Variants in DHX35 observed in about 807,000 individuals in gnomAD.
DHX35 encodes probable ATP-dependent RNA helicase DHX35.
A neutral mutation model predicts 99.6 loss-of-function variants in DHX35; 84 were observed. That is an observed-to-expected ratio of 0.84 (90% confidence interval 0.71 to 1.01). DHX35 has a LOEUF of 1.01. Ranked by LOEUF, DHX35 falls within the 50% of genes least tolerant of loss-of-function variation. The pLI is 0.00. For missense variants in DHX35, 852 were observed against 888.5 expected (o/e 0.96, Z 0.52); for synonymous variants, 331 against 316.2 (o/e 1.05, Z -0.50).
At chr20:39,030,381 C>T in intron 19 of DHX35, 3 of 299,200 alleles carry the variant, frequency 1.0e-5, no homozygotes, top group South Asian at 4.7e-5. Flanking sequence ...GTATTATTTC[C>T]ATTCCAAAGG....
intron 10 of DHX35, 59 bp from the exon 11 acceptor site, chr20:39,003,690 T>C: frequency 6.4e-7 from 1 of 1,562,438 alleles, no homozygotes; most frequent in Non-Finnish European, 8.7e-7. Flanking sequence ...TTCAGTATGA[T>C]AAAATAGCAT....
At chr20:38,993,481 T>TAA (rs1377803747) in intron 7 of DHX35, among the ~76,000 whole-genome samples, 2 of 152,110 alleles carry the variant, frequency 1.3e-5, no homozygotes, top group African/African-American at 2.4e-5. Flanking sequence ...TGCCTCAGCC[T>TAA]TCCCGAGTAG....
At chr20:39,029,962 TA>T (rs950037083) in intron 19 of DHX35, 2 of 151,984 alleles carry the variant, frequency 1.3e-5, no homozygotes, top group African/African-American at 4.8e-5. Context: ...TCAGAGAAAT[TA>T]ATAGTCCAGT....
At chr20:38,962,541 G>C (rs974561) in intron 1 of DHX35, 134 bp downstream of exon 1, 206,952 of 1,137,870 alleles carry the variant, frequency 0.18, 19,606 homozygotes, top group Middle Eastern at 0.27. Context: ...GCCTCTGTGC[G>C]GGGGGAGCTC....
At chr20:38,978,498 C>A (rs531387759) in intron 3 of DHX35, 17 of 475,648 alleles carry the variant, frequency 3.6e-5, no homozygotes, top group Non-Finnish European at 6.5e-5. Context: ...AACAGCTGTG[C>A]AGGGCGGAAT....
At chr20:39,035,264 G>A (rs963162249) in intron 21 of DHX35, among the ~76,000 whole-genome samples, 12 of 151,948 alleles carry the variant, frequency 7.9e-5, no homozygotes, top group Non-Finnish European at 1.6e-4. Flanking sequence ...TAGAGACAGG[G>A]TTTTGCCATA....
At chr20:39,003,152 G>A (rs2086550597) in intron 10 of DHX35, among the ~76,000 whole-genome samples, 1 of 147,404 alleles carries the variant, frequency 6.8e-6, no homozygotes, top group African/African-American at 2.5e-5. Flanking sequence ...TTGTTTGCCA[G>A]AATTGGATAC....
intron 16 of DHX35, among the ~76,000 whole-genome samples, chr20:39,022,378 C>T (rs940639205): frequency 9.9e-5 from 15 of 152,072 alleles, no homozygotes; most frequent in South Asian, 6.2e-4. Context: ...AGGCCGGTCT[C>T]GAACTCCTGA....
At position 38,983,917 on chromosome 20, in the gene DHX35, A is replaced by AT. The variant is rs529754151; in HGVS notation, c.345+148dup. On this transcript the variant is annotated intron_variant, in intron 4 of 21. Transcript: ENST00000252011. ...CAGTTTTTATGTTTTTTTTATTTTTATTTTTTTCCTCAGACAGAGTCTCAC... is the reference window on the plus strand; with the variant it reads ...CAGTTTTTATGTTTTTTTTATTTTTATTTTTTTTCCTCAGACAGAGTCTCAC... 4,640 of 730,120 alleles carry AT rather than the reference A, an allele frequency of 6.4e-3. 22 individuals are homozygous for AT. Among genetic ancestry groups the AT allele is most frequent in the Non-Finnish European group, 8.8e-3 (3,999 of 456,994 alleles). 45.2% of individuals were successfully genotyped at this position (730,120 alleles called of 1,614,324 possible). A position where few individuals can be genotyped will look rare whatever the true frequency, so the allele number is the denominator to read the frequency against.
chr20:39,001,924 C>T (rs1292191158), intron 9 of DHX35, 82 bp downstream of exon 9: 24 of 1,085,704 alleles, frequency 2.2e-5, no homozygotes, highest in Admixed American at 3.6e-5. Flanking sequence ...CATTTGCTCA[C>T]AACTCTAAAG....
chr20:39,009,228 C>T (rs2086663011), intron 12 of DHX35, among the ~76,000 whole-genome samples: 1 of 152,152 alleles, frequency 6.6e-6, no homozygotes, highest in Non-Finnish European at 1.5e-5. Context: ...AGAAGCTGTA[C>T]CCCAAATTCT....
At position 38,969,141 on chromosome 20, in the gene DHX35, G is replaced by A. The variant is rs781238441; in HGVS notation, c.101G>A (p.Gly34Glu). 6.2e-7 allele frequency: 1 copy of A among 1,613,950 alleles called. No individual in the cohort carries two copies. Among genetic ancestry groups the A allele is most frequent in the African/African-American group, 1.3e-5 (1 of 75,046 alleles). The change falls in exon 2 of 22, where the codon GGG becomes GAG. Residue 34 changes from glycine to glutamate, a missense_variant. Gly to Glu is a moderately conservative substitution (Grantham distance 98). Transcript: ENST00000252011. ...AGACAAAGTCTGGCTGAAAACTCTG[G>A]GACAACGGTTGTTTACAACCCTTAT... The part of the protein sequence containing the change: ...EERQSLAENS[G>E]TTVVYNPYAA...
chr20:38,983,581 G>C, intron 3 of DHX35, 118 bp from the exon 4 acceptor site: 4 of 717,962 alleles, frequency 5.6e-6, no homozygotes, highest in Non-Finnish European at 9.2e-6. Flanking sequence ...GTTCTGCTGG[G>C]ACAAGAACTG....
At position 38,994,639 on chromosome 20, in the gene DHX35, C is replaced by A. The variant is rs1329350947; in HGVS notation, c.583-182C>A. 3.8e-5 allele frequency among the ~76,000 whole-genome samples: 5 copies of A among 132,398 alleles called. 1 individual carries two copies. Among genetic ancestry groups the A allele is most frequent in the South Asian group, 5.9e-4 (2 of 3,390 alleles). 86.9% of individuals were successfully genotyped at this position (132,398 alleles called of 152,430 possible). ...GAAGTAATAGTGTAATGACCCCCCCCCCCCTTTATTGACAATTATTAATTT... is the reference window on the plus strand; with the variant it reads ...GAAGTAATAGTGTAATGACCCCCCCACCCCTTTATTGACAATTATTAATTT... On this transcript the variant is annotated intron_variant, in intron 7 of 21. Transcript: ENST00000252011.
intron 21 of DHX35, among the ~76,000 whole-genome samples, chr20:39,036,387 C>T (rs553508909): frequency 3.9e-5 from 6 of 152,278 alleles, no homozygotes; most frequent in African/African-American, 1.4e-4. Flanking sequence ...ATCACCTCCA[C>T]TGTCATCGGA....
chr20:39,008,716 A>G (rs1017108189), intron 12 of DHX35, among the ~76,000 whole-genome samples: 4 of 152,082 alleles, frequency 2.6e-5, no homozygotes, highest in Non-Finnish European at 4.4e-5. Flanking sequence ...TTCTCCTACT[A>G]ACCACTACAA....
chr20:38,978,791 CT>C (rs1205162462), intron 3 of DHX35, among the ~76,000 whole-genome samples: 9 of 152,120 alleles, frequency 5.9e-5, no homozygotes, highest in Non-Finnish European at 1.0e-4. Flanking sequence ...AAGTGTTTCC[CT>C]TCTCTTTTGT....
intron 11 of DHX35, among the ~76,000 whole-genome samples, chr20:39,004,136 C>T (rs1365991227): frequency 6.6e-6 from 1 of 152,118 alleles, no homozygotes; most frequent in Non-Finnish European, 1.5e-5. Flanking sequence ...GATCTCAGCT[C>T]ACTGCAAGCT....
chr20:39,001,868 G>T, intron 9 of DHX35, 26 bp downstream of exon 9: 1 of 1,551,546 alleles, frequency 6.4e-7, no homozygotes, highest in Non-Finnish European at 8.9e-7. Flanking sequence ...AATTCTGGAT[G>T]ATGGTGTTTA....
Sources: gnomAD v4.1 joint callset for allele counts (sites outside exome capture counted in the v4.1 genomes callset) on GRCh38, gnomAD v4.1.1 for gene constraint, MANE v1.5 for transcripts, NCBI Gene and HGNC (gene_info 2026-07-23, HGNC 2026-07-21) for gene names.